SPTBN1: variants seen among roughly 807,000 people sequenced by gnomAD.
The protein encoded by SPTBN1 is spectrin beta, non-erythrocytic 1, also known as spectrin beta chain, non-erythrocytic 1.
SPTBN1 carries 32 observed loss-of-function variants against 266.4 expected under a neutral mutation model. The observed-to-expected ratio is 0.12, with a 90% CI of 0.09 to 0.16. The LOEUF is 0.16. Ranked by LOEUF, SPTBN1 falls within the 10% of genes least tolerant of loss-of-function variation. SPTBN1 has a pLI of 1.00. For synonymous variants in SPTBN1, 1,336 were observed against 1,162.2 expected (o/e 1.15, Z -3.04); for missense variants, 2,296 against 3,067.1 (o/e 0.75, Z 5.94).
intron 1 of SPTBN1, among the ~76,000 whole-genome samples, chr2:54,509,272 G>A (rs190909748): frequency 5.7e-4 from 86 of 152,178 alleles, no homozygotes; most frequent in Non-Finnish European, 7.2e-4. Context: ...AGATGTATCC[G>A]GAATAGTGTG....
rs922199174 is a variant in SPTBN1 at position 54,668,968 on chromosome 2, C to G, written c.*399C>G. On this transcript the variant is annotated 3_prime_UTR_variant, in exon 36 of 36. Coordinates refer to ENST00000356805, the MANE Select transcript of SPTBN1 (RefSeq NM_003128.3). ...TGTACCAATATCCTGACACCATTCT[C>G]TCTCCATTTACTTCTGGTGGTTACC... 2.7e-5 allele frequency: 6 copies of G among 223,270 alleles called. No homozygotes were observed. Among genetic ancestry groups the G allele is most frequent in the Non-Finnish European group, 4.5e-5 (5 of 110,896 alleles). 13.8% of individuals were successfully genotyped at this position (223,270 alleles called of 1,614,324 possible).
chr2:54,619,812 G>C (rs924691355), intron 7 of SPTBN1, among the ~76,000 whole-genome samples: 9 of 152,148 alleles, frequency 5.9e-5, no homozygotes, highest in Non-Finnish European at 1.2e-4. Flanking sequence ...TGTGATTCTG[G>C]CCCTCACAAC....
chr2:54,646,074 G>T lies in SPTBN1; in HGVS notation c.4584+57G>T. ...GATAAATAATTGCTCTAAATTATGAGACTGGGAATGGCAGAGAGCTTTGAA... is the reference window on the plus strand; with the variant it reads ...GATAAATAATTGCTCTAAATTATGATACTGGGAATGGCAGAGAGCTTTGAA... On this transcript the variant is annotated intron_variant, in intron 22 of 35. Transcript: ENST00000356805. The surrounding 1 kb of genome is among the most constrained non-coding windows in gnomAD (Gnocchi z 4.4). 1 of 1,612,094 alleles carries T rather than the reference G, an allele frequency of 6.2e-7. No individual in the cohort carries two copies. Among genetic ancestry groups the T allele is most frequent in the Non-Finnish European group, 8.5e-7 (1 of 1,178,488 alleles).
At chr2:54,618,260 C>A (rs183081341) in intron 7 of SPTBN1, 67 bp downstream of exon 7, 3 of 1,347,928 alleles carry the variant, frequency 2.2e-6, no homozygotes, top group African/African-American at 2.9e-5. Flanking sequence ...AATGTAAAAT[C>A]TGTTTTGTGT....
intron 28 of SPTBN1, 74 bp from the exon 29 acceptor site, chr2:54,655,840 A>T: frequency 9.0e-7 from 1 of 1,109,530 alleles, no homozygotes; most frequent in Non-Finnish European, 1.3e-6. Flanking sequence ...GTATTTTTCT[A>T]GTATAAAATG....
At chr2:54,579,982 T>C (rs1674771143) in intron 2 of SPTBN1, among the ~76,000 whole-genome samples, 1 of 152,208 alleles carries the variant, frequency 6.6e-6, no homozygotes, top group South Asian at 2.1e-4. Flanking sequence ...CTCTCTGGTG[T>C]TGCTAGGACA....
intron 1 of SPTBN1, among the ~76,000 whole-genome samples, chr2:54,499,585 C>A (rs1479297794): frequency 6.6e-6 from 1 of 152,138 alleles, no homozygotes; most frequent in Non-Finnish European, 1.5e-5. Flanking sequence ...GTCAGCACAG[C>A]CCAGCCACTG....
At chr2:54,494,954 C>A (rs1451550435) in intron 1 of SPTBN1, among the ~76,000 whole-genome samples, 2 of 151,864 alleles carry the variant, frequency 1.3e-5, no homozygotes, top group Non-Finnish European at 2.9e-5. Flanking sequence ...GTTCTGTCTT[C>A]CCTTGTCTGC....
Position 54,653,317 on chromosome 2 carries a change from C to A in SPTBN1, c.5578-292C>A. The stretch of plus-strand genomic sequence containing the variant: ...CTGAATATGTCCCACTCAGATATCC[C>A]AGGCTGCCTCCAGGGGACTTTCCCT... On this transcript the variant is annotated intron_variant, in intron 26 of 35. Transcript: ENST00000356805. The surrounding 1 kb of genome is among the most constrained non-coding windows in gnomAD (Gnocchi z 5.1). 2.9e-6 allele frequency: 1 copy of A among 339,408 alleles called. No homozygotes were observed. Among genetic ancestry groups the A allele is most frequent in the Non-Finnish European group, 5.3e-6 (1 of 188,180 alleles). The allele number at this position is 339,408 out of a possible 1,614,324, so 21.0% of individuals were successfully genotyped here.
At chr2:54,500,811 T>C (rs1375409880) in intron 1 of SPTBN1, among the ~76,000 whole-genome samples, 1 of 152,170 alleles carries the variant, frequency 6.6e-6, no homozygotes, top group Non-Finnish European at 1.5e-5. Context: ...GTGTTGGGAT[T>C]ATAGGTGTGA....
intron 28 of SPTBN1, 80 bp downstream of exon 28, chr2:54,655,288 G>T: frequency 1.3e-6 from 2 of 1,545,714 alleles, no homozygotes; most frequent in South Asian, 1.2e-5. Context: ...GTGTGTGTCA[G>T]AGATACTGTG....
chr2:54,569,046 T>C (rs1171879749), intron 2 of SPTBN1, among the ~76,000 whole-genome samples: 2 of 152,236 alleles, frequency 1.3e-5, no homozygotes, highest in African/African-American at 4.8e-5. Context: ...ATCTGTTACA[T>C]GGTAAGTGCT....
intron 2 of SPTBN1, among the ~76,000 whole-genome samples, chr2:54,574,408 G>A (rs576225463): frequency 6.6e-6 from 1 of 152,264 alleles, no homozygotes; most frequent in African/African-American, 2.4e-5. Context: ...AGGATCTGGA[G>A]GGAGCAGTTG....
At chr2:54,500,929 C>T (rs906758859) in intron 1 of SPTBN1, among the ~76,000 whole-genome samples, 13 of 152,192 alleles carry the variant, frequency 8.5e-5, no homozygotes, top group Admixed American at 2.0e-4. Context: ...GATGTGCAGC[C>T]AAGAACAGTG....
intron 19 of SPTBN1, 106 bp from the exon 20 acceptor site, chr2:54,644,217 G>A: frequency 7.1e-7 from 1 of 1,408,332 alleles, no homozygotes. Flanking sequence ...TGTGTATTGA[G>A]TGAATGGTTA....
At chr2:54,464,417 T>C (rs1693522641) in intron 1 of SPTBN1, among the ~76,000 whole-genome samples, 1 of 152,350 alleles carries the variant, frequency 6.6e-6, no homozygotes, top group South Asian at 2.1e-4. Context: ...AATATCTGGA[T>C]GCAAAATTGT....
rs1315906838 is a variant in SPTBN1 at position 54,623,583 on chromosome 2, C to G, written c.1169C>G (p.Ser390Cys). The G allele has an allele frequency of 2.5e-6, 4 of 1,613,942 alleles. No homozygotes were observed. The highest frequency in any genetic ancestry group is 3.4e-6 in the Non-Finnish European group (4 of 1,179,882). The change falls in exon 10 of 36, where the codon TCT (serine) becomes TGT (cysteine). Residue 390 changes from serine (S) to cysteine (C), a missense_variant. This residue lies in a region of SPTBN1 where 148 missense variants were observed against 203.8 expected (regional missense o/e 0.73). Transcript: ENST00000356805. ...VYMPREGKLI[S>C]DINKAWERLE... ...ATGCCCCGGGAGGGGAAGCTCATCT[C>G]TGACATCAACAAGGTAAAGTGGATC...
intron 2 of SPTBN1, among the ~76,000 whole-genome samples, chr2:54,575,812 G>C (rs1674422020): frequency 6.6e-6 from 1 of 152,230 alleles, no homozygotes; most frequent in Non-Finnish European, 1.5e-5. Context: ...ACCAAAAGGA[G>C]AGGAGAAATG....
intron 10 of SPTBN1, among the ~76,000 whole-genome samples, chr2:54,624,059 A>G (rs1045008965): frequency 6.6e-6 from 1 of 152,260 alleles, no homozygotes; most frequent in Admixed American, 6.5e-5. Context: ...CACAGCAGGC[A>G]TTATTTCCAA....
Sources: gnomAD v4.1 joint callset for allele counts (sites outside exome capture counted in the v4.1 genomes callset) on GRCh38, gnomAD v4.1.1 for gene constraint, gnomAD v4.1.1 regional missense constraint, Gnocchi (gnomAD v3.1) non-coding constraint, MANE v1.5 for transcripts, NCBI Gene and HGNC (gene_info 2026-07-23, HGNC 2026-07-21) for gene names.